The following ACSM3 variants were observed in gnomAD, a reference collection of about 807,000 sequenced individuals.
ACSM3 encodes the protein acyl-CoA synthetase medium chain family member 3.
ACSM3 carries 61 observed loss-of-function variants against 74.1 expected under a neutral mutation model. The observed-to-expected ratio is 0.82, with a 90% CI of 0.67 to 1.02. ACSM3 has a LOEUF of 1.02. Ranked by LOEUF, ACSM3 falls within the 50% of genes least tolerant of loss-of-function variation. The pLI is 0.00. For missense variants in ACSM3, 660 were observed against 697.0 expected, an observed-to-expected ratio of 0.95 and a Z score of 0.60; for synonymous variants, 213 against 241.5, an observed-to-expected ratio of 0.88 and a Z score of 1.09.
At chr16:20,723,152 C>A (rs902899317) in intron 1 of ACSM3, among the ~76,000 whole-genome samples, 3 of 152,024 alleles carry the variant, frequency 2.0e-5, no homozygotes, top group South Asian at 2.1e-4. Context: ...TTTGTCCTTG[C>A]GATAGTTTGC....
intron 7 of ACSM3, 41 bp from the exon 8 acceptor site, chr16:20,784,943 A>AT (rs781063792): frequency 3.5e-5 from 55 of 1,582,692 alleles, no homozygotes; most frequent in Admixed American, 2.3e-4. Context: ...ACTTCTCTCC[A>AT]TTTTTCCTCC....
intron 1 of ACSM3, among the ~76,000 whole-genome samples, chr16:20,727,174 G>A (rs570801641): frequency 9.2e-5 from 14 of 152,172 alleles, no homozygotes; most frequent in African/African-American, 3.4e-4. Context: ...CATATGCCTA[G>A]AACAATGTCT....
At chr16:20,702,133 A>C (rs2079714440) in intron 1 of ACSM3, among the ~76,000 whole-genome samples, 1 of 152,128 alleles carries the variant, frequency 6.6e-6, no homozygotes, top group Non-Finnish European at 1.5e-5. Context: ...CTTCCACAAT[A>C]ACTGAACTAA....
chr16:20,792,381 AACACATACTT>A (rs1261557330), intron 12 of ACSM3, 46 bp downstream of exon 12: 2 of 1,606,140 alleles, frequency 1.2e-6, no homozygotes, highest in African/African-American at 2.7e-5. Context: ...TTGGCAATTT[AACACATACTT>A]ACAAACAGTA....
intron 6 of ACSM3, 86 bp from the exon 7 acceptor site, chr16:20,781,622 T>G: frequency 1.0e-6 from 1 of 1,000,422 alleles, no homozygotes; most frequent in Non-Finnish European, 1.6e-6. Context: ...ATAAACAATG[T>G]TTAAATTGTG....
At chr16:20,785,226 G>GT in intron 8 of ACSM3, 119 bp downstream of exon 8, 1 of 1,386,922 alleles carries the variant, frequency 7.2e-7, no homozygotes, top group Non-Finnish European at 9.8e-7. Flanking sequence ...GTTAGAAAAT[G>GT]TTTAAAAAAA....
In ACSM3 at chr16:20,697,300, A is replaced by T. The variant is rs1261659953; in HGVS notation, c.-190+22478A>T. On this transcript the variant is annotated intron_variant, in intron 1 of 3. Coordinates refer to the ACSM3 transcript ENST00000561584. ...GCCAACTTCTGCATAGATAGAAAAG[A>T]TTTCCTTCAAACATTCATCTCTGAC... is the stretch of plus-strand genomic sequence containing the variant. 6.6e-5 allele frequency among the ~76,000 whole-genome samples: 10 copies of T among 151,976 alleles called. No individual in the cohort carries two copies. The East Asian group carries it at 1.9e-3, about 29-fold the overall frequency.
chr16:20,791,541 T>C (rs1016837468), intron 10 of ACSM3, among the ~76,000 whole-genome samples: 13 of 152,376 alleles, frequency 8.5e-5, no homozygotes, highest in African/African-American at 2.9e-4. Context: ...AGCTCCATGC[T>C]GGAATTTCAT....
intron 1 of ACSM3, among the ~76,000 whole-genome samples, chr16:20,689,017 A>G (rs1365126499): frequency 6.7e-6 from 1 of 148,856 alleles, no homozygotes; most frequent in African/African-American, 2.4e-5. Flanking sequence ...AATATATGTT[A>G]ACATATATTT....
chr16:20,736,804 A>C, intron 1 of ACSM3: 1 of 1,467,790 alleles, frequency 6.8e-7, no homozygotes, highest in South Asian at 1.3e-5. Context: ...GTTTTTAGTC[A>C]CAATTTAAGG....
At chr16:20,763,024 A>G (rs1250238813), upstream of ACSM3, among the ~76,000 whole-genome samples, 1 of 152,266 alleles carries the variant, frequency 6.6e-6, no homozygotes, top group East Asian at 1.9e-4. Flanking sequence ...GAAAATCCCA[A>G]GGAATCAACA....
At chr16:20,688,687 T>G (rs1338291688) in intron 1 of ACSM3, among the ~76,000 whole-genome samples, 1 of 151,434 alleles carries the variant, frequency 6.6e-6, no homozygotes, top group African/African-American at 2.4e-5. Flanking sequence ...TCTTCAAAAG[T>G]AAAGGGGAAA....
chr16:20,754,388 A>G (rs531874308), intron 2 of ACSM3, among the ~76,000 whole-genome samples: 3 of 152,238 alleles, frequency 2.0e-5, no homozygotes, highest in African/African-American at 4.8e-5. Context: ...GGGTTCCCAC[A>G]TAAGCAAACT....
At chr16:20,722,250 A>G (rs770095080) in intron 1 of ACSM3, 1 of 152,210 alleles carries the variant, frequency 6.6e-6, no homozygotes, top group Non-Finnish European at 1.5e-5. Flanking sequence ...TAAGGGGACT[A>G]GGGCTGTTGT....
In ACSM3 at chr16:20,796,876, A is replaced by G; in HGVS notation, c.1675-10A>G. ...TTCCAGGCTAATTTTCTTCCCCTTG[A>G]TGCCAACAGGTAGAATTTATTCAAG... On this transcript the variant is annotated splice_polypyrimidine_tract_variant and intron_variant, in intron 13 of 13. Coordinates refer to ENST00000289416, the MANE Select transcript of ACSM3 (RefSeq NM_005622.4). 6.2e-7 allele frequency: 1 copy of G among 1,610,710 alleles called. No homozygotes were observed. The highest frequency in any genetic ancestry group is 8.5e-7 in the Non-Finnish European group (1 of 1,179,058).
At chr16:20,765,639 C>A (rs769285471) in intron 1 of ACSM3, among the ~76,000 whole-genome samples, 2 of 152,128 alleles carry the variant, frequency 1.3e-5, no homozygotes, top group Non-Finnish European at 2.9e-5. Context: ...CAAGACCAGC[C>A]GTGTCTTGTT....
At chr16:20,782,782 A>G (rs749124874) in intron 7 of ACSM3, among the ~76,000 whole-genome samples, 9 of 152,202 alleles carry the variant, frequency 5.9e-5, no homozygotes, top group Admixed American at 1.3e-4. Flanking sequence ...TGGCTCACAG[A>G]GTGCAAGAAA....
At chr16:20,796,628 A>G in intron 13 of ACSM3, 139 bp downstream of exon 13, 1 of 1,509,182 alleles carries the variant, frequency 6.6e-7, no homozygotes, top group Non-Finnish European at 8.8e-7. Flanking sequence ...ATGGGTAAGA[A>G]TCAGAATCTT....
At chr16:20,756,528 A>G (rs2080033085) in intron 3 of ACSM3, among the ~76,000 whole-genome samples, 1 of 151,984 alleles carries the variant, frequency 6.6e-6, no homozygotes, top group African/African-American at 2.4e-5. Context: ...TAGATTCTGG[A>G]TATTAGCCCT....
Sources: allele counts gnomAD v4.1 joint callset (sites outside exome capture counted in the v4.1 genomes callset), GRCh38; gene constraint gnomAD v4.1.1; transcripts MANE v1.5; gene names NCBI Gene and HGNC (gene_info 2026-07-23, HGNC 2026-07-21).